Variants in GPR158 observed in about 807,000 individuals in gnomAD.
GPR158 encodes metabotropic glycine receptor.
Under a neutral mutation model 78.2 loss-of-function variants are expected in GPR158, and 30 were observed. The observed-to-expected ratio is 0.38, with a 90% confidence interval of 0.29 to 0.52. The LOEUF is 0.52. Ranked by LOEUF, GPR158 falls within the 20% of genes least tolerant of loss-of-function variation. The pLI is 0.83. For synonymous variants in GPR158, 581 were observed against 591.1 expected (o/e 0.98, Z 0.25); for missense variants, 1,463 against 1,523.5 (o/e 0.96, Z 0.66).
intron 2 of GPR158, among the ~76,000 whole-genome samples, chr10:25,289,202 G>A (rs1854397753): frequency 6.6e-6 from 1 of 152,138 alleles, no homozygotes; most frequent in Non-Finnish European, 1.5e-5. Flanking sequence ...GTGGACACTG[G>A]GGACACAAAG....
Position 25,366,960 on chromosome 10 carries a change from C to A in GPR158, c.1009-28951C>A, listed in dbSNP as rs1433571260. Reference sequence around the variant, plus strand: ...AGTTCTTTTATATTGTAGCTATAGACCTTGTTTAATTTGAGATACTTTTTC... The same window carrying A: ...AGTTCTTTTATATTGTAGCTATAGAACTTGTTTAATTTGAGATACTTTTTC... On this transcript the variant is annotated intron_variant, in intron 2 of 10. Coordinates refer to ENST00000376351, the MANE Select transcript of GPR158 (RefSeq NM_020752.3). Among the ~76,000 whole-genome samples, 5 of 151,664 alleles carry A rather than the reference C, an allele frequency of 3.3e-5. No homozygotes were observed. In the East Asian group the frequency reaches 9.7e-4, roughly 30 times the overall value.
intron 2 of GPR158, among the ~76,000 whole-genome samples, chr10:25,265,395 A>C (rs928686757): frequency 1.3e-5 from 2 of 152,162 alleles, no homozygotes; most frequent in Non-Finnish European, 2.9e-5. Flanking sequence ...TGGCATCTTG[A>C]GTCCCTAAGT....
chr10:25,397,702 G>A (rs935312790), intron 3 of GPR158, among the ~76,000 whole-genome samples: 3 of 152,190 alleles, frequency 2.0e-5, no homozygotes. Flanking sequence ...TTTAGTCCTT[G>A]TTCTGAGTGA....
chr10:25,419,893 G>A (rs958228783), intron 4 of GPR158, among the ~76,000 whole-genome samples: 1 of 152,034 alleles, frequency 6.6e-6, no homozygotes, highest in African/African-American at 2.4e-5. Flanking sequence ...TACATTCTGT[G>A]ACTTTGGACA....
chr10:25,551,548 C>A (rs1195429335), intron 6 of GPR158, among the ~76,000 whole-genome samples: 1 of 152,154 alleles, frequency 6.6e-6, no homozygotes, highest in Non-Finnish European at 1.5e-5. Context: ...GAAAATAGTG[C>A]TTTTGGCTTT....
At chr10:25,240,951 C>T (rs546085870) in intron 2 of GPR158, among the ~76,000 whole-genome samples, 16 of 152,216 alleles carry the variant, frequency 1.1e-4, no homozygotes, top group African/African-American at 3.1e-4. Context: ...TAAGTGGATA[C>T]CTTCCTTAAG....
chr10:25,328,756 G>A lies in GPR158; in HGVS notation c.1009-67155G>A, dbSNP rs1171251023. Among the ~76,000 whole-genome samples the A allele has an allele frequency of 5.3e-5, 8 of 151,712 alleles. No individual in the cohort carries two copies. The East Asian group carries it at 5.8e-4, about 11-fold the overall frequency. The stretch of plus-strand genomic sequence containing the variant: ...AACCTGGTCAACATGATGAAACCCC[G>A]TCTGTACTAAAAATACAAAAATTAG... On this transcript the variant is annotated intron_variant, in intron 2 of 10. Coordinates refer to ENST00000376351, the MANE Select transcript of GPR158 (RefSeq NM_020752.3).
intron 2 of GPR158, among the ~76,000 whole-genome samples, chr10:25,359,077 C>A (rs1303079278): frequency 6.6e-6 from 1 of 151,806 alleles, no homozygotes; most frequent in Non-Finnish European, 1.5e-5. Context: ...CTCTTGTTAT[C>A]ATTGATAAAT....
intron 9 of GPR158, among the ~76,000 whole-genome samples, chr10:25,594,612 G>A (rs753940772): frequency 6.6e-6 from 1 of 151,902 alleles, no homozygotes; most frequent in African/African-American, 2.4e-5. Context: ...CCCATCATCT[G>A]TTTCAGTCTT....
intron 2 of GPR158, among the ~76,000 whole-genome samples, chr10:25,317,731 G>GTTTTTTT (rs1554793362): frequency 1.7e-5 from 2 of 118,620 alleles, no homozygotes; most frequent in African/African-American, 7.0e-5. Flanking sequence ...TTTTTGTTTT[G>GTTTTTTT]TTTTGTTTTG....
chr10:25,250,885 G>A (rs1010564306), intron 2 of GPR158, among the ~76,000 whole-genome samples: 8 of 151,426 alleles, frequency 5.3e-5, no homozygotes, highest in South Asian at 2.1e-4. Context: ...TTTCTGTCTC[G>A]TTGATCTGTC....
chr10:25,556,850 A>C (rs75856322), intron 6 of GPR158, among the ~76,000 whole-genome samples: 1 of 152,334 alleles, frequency 6.6e-6, no homozygotes, highest in African/African-American at 2.4e-5. Flanking sequence ...AGGATTAAGG[A>C]TTGAAGTGAC....
chr10:25,182,971 A>G lies in GPR158; in HGVS notation c.902+6649A>G, dbSNP rs528155079. Among the ~76,000 whole-genome samples the G allele has an allele frequency of 3.9e-5, 6 of 152,302 alleles. No individual in the cohort carries two copies. The East Asian group carries it at 1.2e-3, about 29-fold the overall frequency. Reference sequence around the variant, plus strand: ...TAGGCAGTTCACTAGTACTGGGGCTATGCTTGGGAGAGTCTGCAGCCAGCA... The same window carrying G: ...TAGGCAGTTCACTAGTACTGGGGCTGTGCTTGGGAGAGTCTGCAGCCAGCA... On this transcript the variant is annotated intron_variant, in intron 1 of 10. Coordinates refer to ENST00000376351, the MANE Select transcript of GPR158 (RefSeq NM_020752.3).
intron 2 of GPR158, among the ~76,000 whole-genome samples, chr10:25,253,142 A>G (rs1011913709): frequency 1.3e-5 from 2 of 152,236 alleles, no homozygotes; most frequent in Non-Finnish European, 2.9e-5. Flanking sequence ...TGCGCTTCCC[A>G]GGTGAGGCAA....
At chr10:25,375,601 T>G (rs1834067200) in intron 2 of GPR158, among the ~76,000 whole-genome samples, 1 of 151,612 alleles carries the variant, frequency 6.6e-6, no homozygotes, top group Non-Finnish European at 1.5e-5. Context: ...TTGTTTTTTG[T>G]TTTTGCCTAT....
rs114392593 is a variant in GPR158 at position 25,281,044 on chromosome 10, A to G, written c.1008+59887A>G. On this transcript the variant is annotated intron_variant, in intron 2 of 10. Transcript: ENST00000376351. Reference sequence around the variant, plus strand: ...CAGATACTGGAGAGGCCGAGGCACAAGAATCGCTTGAACCTTGGAGGTGGA... The same window carrying G: ...CAGATACTGGAGAGGCCGAGGCACAGGAATCGCTTGAACCTTGGAGGTGGA... 4.2e-3 allele frequency among the ~76,000 whole-genome samples: 637 copies of G among 152,080 alleles called. 4 individuals are homozygous for G. The highest frequency in any genetic ancestry group is 0.015 in the African/African-American group (613 of 41,476).
chr10:25,409,830 TATC>T (rs2130546081), intron 3 of GPR158, among the ~76,000 whole-genome samples: 1 of 152,318 alleles, frequency 6.6e-6, no homozygotes, highest in South Asian at 2.1e-4. Flanking sequence ...TTTTTAAAAA[TATC>T]ATAATTATTC....
intron 2 of GPR158, among the ~76,000 whole-genome samples, chr10:25,249,402 G>T (rs906613296): frequency 1.1e-4 from 16 of 152,122 alleles, no homozygotes; most frequent in South Asian, 2.1e-4. Flanking sequence ...TTTTCAAAGG[G>T]AATGCTTCCA....
chr10:25,355,149 T>C (rs1387107373), intron 2 of GPR158, among the ~76,000 whole-genome samples: 1 of 152,030 alleles, frequency 6.6e-6, no homozygotes, highest in East Asian at 1.9e-4. Flanking sequence ...TTTCTACTTC[T>C]AGATCTTGCT....
Sources: allele counts gnomAD v4.1 joint callset (sites outside exome capture counted in the v4.1 genomes callset), GRCh38; gene constraint gnomAD v4.1.1; transcripts MANE v1.5; gene names NCBI Gene and HGNC (gene_info 2026-07-23, HGNC 2026-07-21).